SYNGR1: variants seen among roughly 807,000 people sequenced by gnomAD.
SYNGR1 encodes synaptogyrin 1, also known as synaptogyrin-1.
A neutral mutation model predicts 26.1 loss-of-function variants in SYNGR1; 14 were observed. The observed-to-expected ratio is 0.54, with a 90% confidence interval of 0.35 to 0.84. SYNGR1 has a LOEUF of 0.84. SYNGR1 is among the 40% of genes least tolerant of loss of function. The pLI is 0.01. For missense variants in SYNGR1, 319 were observed against 332.9 expected (o/e 0.96, Z 0.33); for synonymous variants, 141 against 150.1 (o/e 0.94, Z 0.44).
chr22:39,381,072 A>G (rs1429847506), intron 3 of SYNGR1, among the ~76,000 whole-genome samples: 1 of 152,236 alleles, frequency 6.6e-6, no homozygotes, highest in Non-Finnish European at 1.5e-5. Context: ...ACCTTGGCCT[A>G]TCAAAGTTGT....
chr22:39,378,112 C>T (rs535208238), intron 3 of SYNGR1: 12 of 1,171,268 alleles, frequency 1.0e-5, no homozygotes, highest in South Asian at 1.7e-5. Context: ...GAGCAATAGC[C>T]TCTCCCTTCA....
chr22:39,372,896 T>A (rs1925095297), intron 1 of SYNGR1, among the ~76,000 whole-genome samples: 1 of 152,070 alleles, frequency 6.6e-6, no homozygotes, highest in South Asian at 2.1e-4. Context: ...TGCCATGCAG[T>A]CTTTCCAAAG....
At chr22:39,367,641 G>C (rs1223095259) in intron 1 of SYNGR1, among the ~76,000 whole-genome samples, 1 of 152,088 alleles carries the variant, frequency 6.6e-6, no homozygotes. Context: ...TGGCCAACAT[G>C]GCACAACCCC....
intron 1 of SYNGR1, among the ~76,000 whole-genome samples, chr22:39,372,297 A>C (rs1370888184): frequency 6.6e-6 from 1 of 151,198 alleles, no homozygotes; most frequent in Non-Finnish European, 1.5e-5. Context: ...ACACCCAGCT[A>C]ATGTTTTGTA....
At chr22:39,365,564 G>C (rs1265855996) in intron 1 of SYNGR1, among the ~76,000 whole-genome samples, 1 of 152,192 alleles carries the variant, frequency 6.6e-6, no homozygotes, top group Admixed American at 6.5e-5. Flanking sequence ...GTGCTTTGGG[G>C]GAGCTCCCAC....
rs1380484800 is a variant in SYNGR1, at chr22:39,357,846, C to T, written c.99+7737C>T. On this transcript the variant is annotated intron_variant, in intron 1 of 3. Transcript: ENST00000328933. Reference sequence around the variant, plus strand: ...TTAGCTGCCTTCCCTCGGGGCAGGGCTCGGGACCTGCAGCCCGCCATGCCT... The same window carrying T: ...TTAGCTGCCTTCCCTCGGGGCAGGGTTCGGGACCTGCAGCCCGCCATGCCT... 1.3e-5 allele frequency among the ~76,000 whole-genome samples: 2 copies of T among 152,256 alleles called. 1 individual carries two copies. Among genetic ancestry groups the T allele is most frequent in the African/African-American group, 4.8e-5 (2 of 41,468 alleles).
chr22:39,368,478 G>A (rs772436999), intron 1 of SYNGR1, among the ~76,000 whole-genome samples: 1 of 152,208 alleles, frequency 6.6e-6, no homozygotes, highest in African/African-American at 2.4e-5. Context: ...CTTGTGACCT[G>A]TGATGAATGC....
chr22:39,376,548 G>A (rs745746904), intron 3 of SYNGR1, among the ~76,000 whole-genome samples: 49 of 152,200 alleles, frequency 3.2e-4, no homozygotes, highest in Admixed American at 6.5e-4. Flanking sequence ...AGGAAGGTGA[G>A]GCTTACAGGG....
intron 1 of SYNGR1, among the ~76,000 whole-genome samples, chr22:39,357,348 A>G (rs1049955659): frequency 6.6e-6 from 1 of 151,914 alleles, no homozygotes; most frequent in African/African-American, 2.4e-5. Context: ...CCCCAGGTCT[A>G]TGCATGGGAG....
In SYNGR1 at chr22:39,381,683, C is replaced by A. The variant is rs773069164; in HGVS notation, c.484-13C>A. ...TCCCGCCTGTCCTTGTCCTCGCCGG[C>A]CTTTGTCCCCAGGCGGGCCAGGCTG... On this transcript the variant is annotated splice_polypyrimidine_tract_variant and intron_variant, in intron 3 of 3. Transcript: ENST00000328933. 6.2e-7 allele frequency: 1 copy of A among 1,613,288 alleles called. No individual in the cohort carries two copies. The highest frequency in any genetic ancestry group is 8.5e-7 in the Non-Finnish European group (1 of 1,179,956).
chr22:39,370,338 G>A (rs1399345547), intron 1 of SYNGR1, among the ~76,000 whole-genome samples: 1 of 151,936 alleles, frequency 6.6e-6, no homozygotes, highest in African/African-American at 2.4e-5. Context: ...CACCGTGTTA[G>A]CCAGGATGGT....
intron 1 of SYNGR1, among the ~76,000 whole-genome samples, chr22:39,351,668 G>T (rs532839691): frequency 2.6e-5 from 4 of 152,380 alleles, no homozygotes; most frequent in African/African-American, 7.2e-5. Context: ...GAGGGGGCTT[G>T]TCTGCTTGGG....
At chr22:39,357,820 C>G (rs1462204206) in intron 1 of SYNGR1, among the ~76,000 whole-genome samples, 2 of 152,246 alleles carry the variant, frequency 1.3e-5, no homozygotes, top group Non-Finnish European at 2.9e-5. Context: ...CTCACTGAGC[C>G]TTAGCTGCCT....
Position 39,376,011 on chromosome 22 carries a change from G to A in SYNGR1, c.338-41G>A, listed in dbSNP as rs1925264385. On this transcript the variant is annotated intron_variant, in intron 2 of 3. Coordinates refer to ENST00000328933, the MANE Select transcript of SYNGR1 (RefSeq NM_004711.5). ...TCTCCCCACTCACCCTCTCCCCCAT[G>A]TGTGGCACTGCCTATTCTGCCCGGT... 1.9e-6 allele frequency: 3 copies of A among 1,613,808 alleles called. No homozygotes were observed. The Admixed American group carries it at 5.0e-5, about 27-fold the overall frequency.
At chr22:39,371,975 C>T (rs193128001) in intron 1 of SYNGR1, among the ~76,000 whole-genome samples, 2 of 152,212 alleles carry the variant, frequency 1.3e-5, no homozygotes, top group Non-Finnish European at 2.9e-5. Flanking sequence ...AGGCTTATAA[C>T]AAGAAATATT....
Position 39,380,616 on chromosome 22 carries a change from CTTTTT to C in SYNGR1, c.484-1060_484-1056del, listed in dbSNP as rs58877789. Among the ~76,000 whole-genome samples, 351 of 69,984 alleles carry C rather than the reference CTTTTT, an allele frequency of 5.0e-3. 1 individual carries two copies. Among genetic ancestry groups the C allele is most frequent in the African/African-American group, 0.023 (317 of 13,874 alleles). The allele number at this position is 69,984 out of a possible 152,430, so 45.9% of individuals were successfully genotyped here. Reference sequence around the variant, plus strand: ...GTCTTGCTATGTTGCCCAAGCTGGCCTTTTTTTTTTTTTTTTTTTTTTTTGAGACA... The same window carrying C: ...GTCTTGCTATGTTGCCCAAGCTGGCCTTTTTTTTTTTTTTTTTTTGAGACA... On this transcript the variant is annotated intron_variant, in intron 3 of 3. Transcript: ENST00000328933.
intron 3 of SYNGR1, chr22:39,377,330 C>T (rs914465375): frequency 1.6e-5 from 16 of 985,304 alleles, no homozygotes; most frequent in South Asian, 9.4e-5. Context: ...CTTGGCTGCT[C>T]CACCCCTCAG....
chr22:39,365,451 G>C (rs11913127), intron 1 of SYNGR1, among the ~76,000 whole-genome samples: 9,815 of 152,186 alleles, frequency 0.064, 1,037 homozygotes, highest in African/African-American at 0.23. Context: ...CTGGTGGAGT[G>C]AAGAGCATAC....
At chr22:39,373,548 T>C (rs1925128764) in intron 1 of SYNGR1, among the ~76,000 whole-genome samples, 1 of 152,120 alleles carries the variant, frequency 6.6e-6, no homozygotes, top group Admixed American at 6.6e-5. Flanking sequence ...AGTGGCATGA[T>C]CACGGTTCAC....
Sources: allele counts gnomAD v4.1 joint callset (sites outside exome capture counted in the v4.1 genomes callset), GRCh38; gene constraint gnomAD v4.1.1; transcripts MANE v1.5; gene names NCBI Gene and HGNC (gene_info 2026-07-23, HGNC 2026-07-21).